Variants in NKD2 observed in about 807,000 individuals in gnomAD.
NKD2 encodes the protein protein naked cuticle homolog 2.
NKD2 carries 43 observed loss-of-function variants against 34.8 expected under a neutral mutation model. That is an observed-to-expected ratio of 1.24 (90% CI 0.97 to 1.60). The LOEUF (loss-of-function observed/expected upper bound fraction) is 1.60. Ranked by LOEUF, NKD2 falls within the 40% of genes most tolerant of loss-of-function variation. NKD2 has a pLI of 0.00. For synonymous variants in NKD2, 278 were observed against 265.1 expected, an observed-to-expected ratio of 1.05 and a Z score of -0.47; for missense variants, 675 against 627.1, an observed-to-expected ratio of 1.08 and a Z score of -0.82.
At chr5:1,029,293 G>A (rs182867715) in intron 3 of NKD2, among the ~76,000 whole-genome samples, 3 of 152,368 alleles carry the variant, frequency 2.0e-5, no homozygotes, top group African/African-American at 7.2e-5. Context: ...CTCTGTGTTA[G>A]GAACTCAGTC....
intron 3 of NKD2, among the ~76,000 whole-genome samples, chr5:1,011,082 A>C (rs1755733972): frequency 6.6e-6 from 1 of 152,238 alleles, no homozygotes; most frequent in Non-Finnish European, 1.5e-5. Flanking sequence ...TCTTTAGAGA[A>C]TAGCTTGGGA....
At chr5:1,036,620 T>G (rs2150751865) in intron 9 of NKD2, among the ~76,000 whole-genome samples, 1 of 152,042 alleles carries the variant, frequency 6.6e-6, no homozygotes, top group Admixed American at 6.5e-5. Flanking sequence ...GGGCGTCCCG[T>G]CCAGGTGTGT....
At chr5:1,019,974 C>T (rs1020652880) in intron 3 of NKD2, among the ~76,000 whole-genome samples, 4 of 152,058 alleles carry the variant, frequency 2.6e-5, no homozygotes, top group African/African-American at 4.8e-5. Flanking sequence ...TGCAGCAGTT[C>T]GGAAGTTCAG....
At chr5:1,010,087 A>G (rs1404019301) in intron 3 of NKD2, among the ~76,000 whole-genome samples, 1 of 152,034 alleles carries the variant, frequency 6.6e-6, no homozygotes, top group African/African-American at 2.4e-5. Flanking sequence ...GGCTCAGGAG[A>G]CAGAGGGACA....
At chr5:1,014,442 T>C (rs1025347100) in intron 3 of NKD2, among the ~76,000 whole-genome samples, 2 of 152,266 alleles carry the variant, frequency 1.3e-5, no homozygotes, top group African/African-American at 4.8e-5. Flanking sequence ...GGCAGGGCCG[T>C]CTCGAGTACC....
rs139374291 is a variant in NKD2 at position 1,032,203 on chromosome 5, C to A, written c.193C>A (p.Pro65Thr). ...GGGGCCTTTCCGGGAGGACCAGTGT[C>A]CCCTACAGGGTGAGTGCAGCTCCCG... ...KEGPFREDQC[P>T]LQVALPAEKA... Residue 65 changes from proline to threonine, a missense_variant, in exon 4 of 10, where the codon CCC becomes ACC. Physicochemically the swap from Pro to Thr is conservative, Grantham distance 38 (BLOSUM62 -1). Coordinates refer to ENST00000296849, the MANE Select transcript of NKD2 (RefSeq NM_033120.4). 1 of 1,609,616 alleles carries A rather than the reference C, an allele frequency of 6.2e-7. No individual in the cohort carries two copies. The highest frequency in any genetic ancestry group is 1.1e-5 in the South Asian group (1 of 90,826).
intron 8 of NKD2, 150 bp from the exon 9 acceptor site, chr5:1,036,107 C>T: frequency 7.4e-7 from 1 of 1,348,860 alleles, no homozygotes; most frequent in Non-Finnish European, 9.5e-7. Flanking sequence ...TGTCTGTGCC[C>T]AGGCGTCCAC....
rs966512756 is a variant in NKD2, at chr5:1,019,773, G to T, written c.141+10213G>T. On this transcript the variant is annotated intron_variant, in intron 3 of 9. Transcript: ENST00000296849. ...AGAAAAAAGAAAACCCTGAAACGCG[G>T]CAGGGTTCTTTCCAGCTTTGGAATT... Among the ~76,000 whole-genome samples, 6 of 152,292 alleles carry T rather than the reference G, an allele frequency of 3.9e-5. No individual in the cohort carries two copies. The South Asian group carries it at 1.2e-3, about 32-fold the overall frequency.
At position 1,034,913 on chromosome 5, in the gene NKD2, G is replaced by C. The variant is rs375372999; in HGVS notation, c.574+10G>C. 302 of 1,602,438 alleles carry C rather than the reference G, an allele frequency of 1.9e-4. No homozygotes were observed. The highest frequency in any genetic ancestry group is 2.3e-4 in the Non-Finnish European group (276 of 1,174,574). On this transcript the variant is annotated intron_variant, in intron 7 of 9. Coordinates refer to ENST00000296849, the MANE Select transcript of NKD2 (RefSeq NM_033120.4). Reference sequence around the variant, plus strand: ...CCTCCTGCTGGCCAGGGTGAGTGAGGCCTGGGCACACACAGAGGACCCTAC... The same window carrying C: ...CCTCCTGCTGGCCAGGGTGAGTGAGCCCTGGGCACACACAGAGGACCCTAC...
intron 5 of NKD2, 131 bp from the exon 6 acceptor site, chr5:1,034,104 C>G: frequency 1.5e-6 from 1 of 669,884 alleles, no homozygotes; most frequent in Non-Finnish European, 2.6e-6. Flanking sequence ...CCACGCTGCC[C>G]TCTAGGCTCC....
In NKD2 at chr5:1,038,147, C is replaced by T. The variant is rs752476099; in HGVS notation, c.1130C>T (p.Pro377Leu). The change falls in exon 10 of 10, where the codon CCG (proline) becomes CTG (leucine). Residue 377 changes from proline (P) to leucine (L), a missense_variant. Physicochemically the swap from Pro to Leu is moderately conservative, Grantham distance 98. Coordinates refer to ENST00000296849, the MANE Select transcript of NKD2 (RefSeq NM_033120.4). This position sits in a 1 kb window ranked among gnomAD's most constrained non-coding sequence, Gnocchi z 4.5. ...GGCCACCACCTCCCGCAGCCCCCACCGCCACCCTACGGCCACAAGCGGTAC... is the reference window on the plus strand; with the variant it reads ...GGCCACCACCTCCCGCAGCCCCCACTGCCACCCTACGGCCACAAGCGGTAC... ...QDGHHLPQPP[P>L]PPYGHKRYRQ... 66 of 1,586,124 alleles carry T rather than the reference C, an allele frequency of 4.2e-5. No homozygotes were observed. Among genetic ancestry groups the T allele is most frequent in the East Asian group, 2.1e-4 (9 of 43,730 alleles).
chr5:1,012,179 C>T (rs764996153), intron 3 of NKD2, among the ~76,000 whole-genome samples: 3 of 152,352 alleles, frequency 2.0e-5, no homozygotes, highest in South Asian at 2.1e-4. Context: ...CTGAGGCTGG[C>T]GGAAAATGGT....
In NKD2 at chr5:1,009,566, C is replaced by T. The variant is rs1268805664; in HGVS notation, c.141+6C>T. 8 of 1,474,146 alleles carry T rather than the reference C, an allele frequency of 5.4e-6. No individual in the cohort carries two copies. Among genetic ancestry groups the T allele is most frequent in the Non-Finnish European group, 7.1e-6 (8 of 1,122,424 alleles). The allele number at this position is 1,474,146 out of a possible 1,614,324, so 91.3% of individuals were successfully genotyped here. ...GGCGCGCGCGGGACAAGCAGGTAGG[C>T]GGCGGGGCGGAGGCTGGGGTCGCGC... On this transcript the variant is annotated splice_donor_region_variant and intron_variant, in intron 3 of 9. Coordinates refer to ENST00000296849, the MANE Select transcript of NKD2 (RefSeq NM_033120.4). The surrounding 1 kb of genome is among the most constrained non-coding windows in gnomAD (Gnocchi z 6.9).
In NKD2 at chr5:1,034,763, C is replaced by T; in HGVS notation, c.434C>T (p.Ser145Phe). Residue 145 changes from serine (S) to phenylalanine (F), a missense_variant, in exon 7 of 10, where the codon TCC (serine) becomes TTC (phenylalanine). Coordinates refer to ENST00000296849, the MANE Select transcript of NKD2 (RefSeq NM_033120.4). ...NCGKVTREDM[S>F]SLMHTIYEVV... ...ACTGATGCCGGGCCCCAGGACATGTCCAGCCTCATGCACACCATCTATGAG... is the reference window on the plus strand; with the variant it reads ...ACTGATGCCGGGCCCCAGGACATGTTCAGCCTCATGCACACCATCTATGAG... 1 of 1,611,510 alleles carries T rather than the reference C, an allele frequency of 6.2e-7. No individual in the cohort carries two copies. Among genetic ancestry groups the T allele is most frequent in the Non-Finnish European group, 8.5e-7 (1 of 1,178,928 alleles).
At chr5:1,018,140 G>A (rs555542004) in intron 3 of NKD2, among the ~76,000 whole-genome samples, 102 of 152,268 alleles carry the variant, frequency 6.7e-4, no homozygotes, top group African/African-American at 2.3e-3. Flanking sequence ...GAAGAATGGC[G>A]GCCCCCACCC....
rs1432035884 is a variant in NKD2 at position 1,035,796 on chromosome 5, G to GGGGTGGCTGGGGCAGTGGCTGA, written c.659+342_659+363dup. On this transcript the variant is annotated intron_variant, in intron 8 of 9. Transcript: ENST00000296849. ...AGCAGCTTTGGGGGCAACAGGGCTG[G>GGGGTGGCTGGGGCAGTGGCTGA]GGGTGGCTGGGGCAGTGGCTGAGGG... The GGGGTGGCTGGGGCAGTGGCTGA allele has an allele frequency of 1.0e-3, 423 of 422,460 alleles. 2 individuals are homozygous for GGGGTGGCTGGGGCAGTGGCTGA. Among genetic ancestry groups the GGGGTGGCTGGGGCAGTGGCTGA allele is most frequent in the African/African-American group, 8.2e-3 (407 of 49,776 alleles). 26.2% of individuals were successfully genotyped at this position (422,460 alleles called of 1,614,324 possible). A position where few individuals can be genotyped will look rare whatever the true frequency, so the allele number is the denominator to read the frequency against.
chr5:1,027,919 A>G (rs2150741323), intron 3 of NKD2, among the ~76,000 whole-genome samples: 1 of 152,380 alleles, frequency 6.6e-6, no homozygotes, highest in East Asian at 1.9e-4. Context: ...CCTGTGTTGC[A>G]GCTGCCTGGC....
At chr5:1,014,695 G>T (rs1269087154) in intron 3 of NKD2, among the ~76,000 whole-genome samples, 1 of 152,186 alleles carries the variant, frequency 6.6e-6, no homozygotes, top group East Asian at 1.9e-4. Context: ...TAGGGTTGGG[G>T]GTTCGGCTCT....
In NKD2 at chr5:1,034,240, C is replaced by T. The variant is rs1401028748; in HGVS notation, c.336C>T (p.Leu112=). 6.2e-7 allele frequency: 1 copy of T among 1,611,380 alleles called. No homozygotes were observed. Among genetic ancestry groups the T allele is most frequent in the Non-Finnish European group, 8.5e-7 (1 of 1,179,512 alleles). The change falls in exon 6 of 10, where the codon CTC becomes CTT. Residue 112 remains leucine, a synonymous_variant. Coordinates refer to ENST00000296849, the MANE Select transcript of NKD2 (RefSeq NM_033120.4). ...PGGQRLNIDA[L]QCDVSVEEDD... ...GCCCCCACGTCCCCCCACAGGCACT[C>T]CAGTGCGATGTCTCGGTGGAGGAGG...
Sources: allele counts gnomAD v4.1 joint callset (sites outside exome capture counted in the v4.1 genomes callset), GRCh38; gene constraint gnomAD v4.1.1; non-coding constraint Gnocchi (gnomAD v3.1); transcripts MANE v1.5; gene names NCBI Gene and HGNC (gene_info 2026-07-23, HGNC 2026-07-21).